Variants in COG6 observed in about 807,000 individuals in gnomAD.
COG6 encodes the protein conserved oligomeric Golgi complex subunit 6.
COG6 carries 74 observed loss-of-function variants against 88.8 expected under a neutral mutation model. The ratio of observed to expected loss-of-function variants is 0.83; its 90% confidence interval spans 0.69 to 1.01. The LOEUF is 1.01. Among genes scored for constraint, COG6 ranks in the 50% least tolerant of loss-of-function variants. COG6 has a pLI of 0.00. For missense variants in COG6, 800 were observed against 797.9 expected, an observed-to-expected ratio of 1.00 and a Z score of -0.03; for synonymous variants, 286 against 278.7, an observed-to-expected ratio of 1.03 and a Z score of -0.26.
chr13:39,768,825 A>C (rs1283382506), intron 18 of COG6, among the ~76,000 whole-genome samples: 5 of 152,168 alleles, frequency 3.3e-5, no homozygotes, highest in Non-Finnish European at 1.5e-5. Flanking sequence ...ATACTCTTGC[A>C]TCTGCCTGTG....
chr13:39,686,064 A>G (rs1045710738), intron 8 of COG6, among the ~76,000 whole-genome samples: 1 of 152,194 alleles, frequency 6.6e-6, no homozygotes, highest in Non-Finnish European at 1.5e-5. Context: ...GTTTACCAAA[A>G]TGTGGATTTT....
intron 2 of COG6, 50 bp downstream of exon 2, chr13:39,659,557 C>T (rs1874764226): frequency 6.8e-7 from 1 of 1,478,520 alleles, no homozygotes; most frequent in South Asian, 1.1e-5. Context: ...ACTATTACGC[C>T]TGGCTCTGTG....
intron 1 of COG6, among the ~76,000 whole-genome samples, chr13:39,658,584 A>G (rs11839208): frequency 0.019 from 2,891 of 152,298 alleles, 78 homozygotes; most frequent in African/African-American, 0.064. Context: ...CAAAGTTGGA[A>G]TAAACTTTTA....
chr13:39,683,595 C>T (rs1876447253), intron 8 of COG6, among the ~76,000 whole-genome samples: 1 of 152,110 alleles, frequency 6.6e-6, no homozygotes, highest in South Asian at 2.1e-4. Context: ...CAGTTTATTC[C>T]TGCTTTAAAA....
chr13:39,682,388 T>A (rs1048827309), intron 8 of COG6, 124 bp downstream of exon 8: 7 of 660,150 alleles, frequency 1.1e-5, no homozygotes, highest in Non-Finnish European at 1.9e-5. Flanking sequence ...TTTACAACAA[T>A]ACTGTTCACC....
chr13:39,667,250 CTAAG>C (rs772211839), intron 4 of COG6, among the ~76,000 whole-genome samples: 1 of 152,128 alleles, frequency 6.6e-6, no homozygotes, highest in African/African-American at 2.4e-5. Context: ...TTAAAAACAA[CTAAG>C]TATCAAAGCT....
At chr13:39,678,142 C>G (rs1876088203) in intron 5 of COG6, 2 of 423,062 alleles carry the variant, frequency 4.7e-6, no homozygotes, top group Non-Finnish European at 4.7e-6. Flanking sequence ...ACACAGCTCA[C>G]TGCAGCCTCA....
At chr13:39,692,216 C>T (rs962618383) in intron 11 of COG6, among the ~76,000 whole-genome samples, 2 of 151,860 alleles carry the variant, frequency 1.3e-5, no homozygotes, top group East Asian at 3.9e-4. Context: ...CAGCATCAAC[C>T]CTATTACTTT....
chr13:39,770,177 A>T (rs147567815), intron 18 of COG6, among the ~76,000 whole-genome samples: 43 of 152,180 alleles, frequency 2.8e-4, no homozygotes, highest in African/African-American at 1.0e-3. Flanking sequence ...AACACCCACG[A>T]CTACTGCTAT....
chr13:39,692,107 T>C (rs1877011190), intron 11 of COG6, among the ~76,000 whole-genome samples: 1 of 152,052 alleles, frequency 6.6e-6, no homozygotes, highest in African/African-American at 2.4e-5. Context: ...TTTGTAAATG[T>C]ATGCATTAAG....
chr13:39,761,066 A>G (rs372548611), intron 18 of COG6, among the ~76,000 whole-genome samples: 1 of 152,102 alleles, frequency 6.6e-6, no homozygotes, highest in Non-Finnish European at 1.5e-5. Flanking sequence ...TATTGGGAAT[A>G]TGGTTGGGAT....
intron 14 of COG6, 50 bp from the exon 15 acceptor site, chr13:39,719,610 C>A: frequency 1.3e-6 from 2 of 1,521,458 alleles, no homozygotes; most frequent in Non-Finnish European, 1.8e-6. Context: ...TAACCCAAGA[C>A]CCTATCAGTG....
In COG6 at chr13:39,758,962, C is replaced by G. The variant is rs147968808; in HGVS notation, c.1827-29373C>G. 3.7e-3 allele frequency among the ~76,000 whole-genome samples: 569 copies of G among 152,148 alleles called. 4 individuals are homozygous for G. The highest frequency in any genetic ancestry group is 0.013 in the African/African-American group (531 of 41,502). On this transcript the variant is annotated intron_variant, in intron 18 of 18. Coordinates refer to the COG6 transcript ENST00000416691. ...TTGAAAACATTATTCTAATTAGAAGCCAAGCACAAAAGGCTATATATAATT... is the reference window on the plus strand; with the variant it reads ...TTGAAAACATTATTCTAATTAGAAGGCAAGCACAAAAGGCTATATATAATT...
intron 5 of COG6, 64 bp downstream of exon 5, chr13:39,677,643 C>G (rs955775243): frequency 4.3e-6 from 4 of 930,474 alleles, no homozygotes; most frequent in Non-Finnish European, 6.6e-6. Context: ...AGAGAAATTG[C>G]TTTTTTGAAG....
At chr13:39,788,507 CT>C (rs1436755880) in exon 19 of COG6, 1 of 693,262 alleles carries the variant, frequency 1.4e-6, no homozygotes, top group African/African-American at 1.8e-5. Flanking sequence ...GACTCTTCAT[CT>C]GGTGGAAATG....
intron 3 of COG6, among the ~76,000 whole-genome samples, chr13:39,661,846 T>C (rs1340883157): frequency 6.6e-6 from 1 of 151,656 alleles, no homozygotes; most frequent in Admixed American, 6.6e-5. Context: ...TCTCCTCTTT[T>C]AGCTTCCATG....
At chr13:39,782,123 C>T (rs558163876) in intron 18 of COG6, among the ~76,000 whole-genome samples, 18 of 152,224 alleles carry the variant, frequency 1.2e-4, no homozygotes, top group Non-Finnish European at 2.6e-4. Context: ...GAAAACATTA[C>T]CCATTGTGCA....
At chr13:39,762,828 TA>T (rs1220081108) in intron 18 of COG6, among the ~76,000 whole-genome samples, 1 of 151,024 alleles carries the variant, frequency 6.6e-6, no homozygotes, top group Non-Finnish European at 1.5e-5. Flanking sequence ...TTATGCTGGC[TA>T]GAACCTCCAG....
downstream of COG6, among the ~76,000 whole-genome samples, chr13:39,754,414 G>T (rs1880765574): frequency 6.6e-6 from 1 of 152,114 alleles, no homozygotes; most frequent in South Asian, 2.1e-4. Flanking sequence ...ACATGTAAAG[G>T]TGTAAGGAAA....
Sources: allele counts gnomAD v4.1 joint callset (sites outside exome capture counted in the v4.1 genomes callset), GRCh38; gene constraint gnomAD v4.1.1; transcripts MANE v1.5; gene names NCBI Gene and HGNC (gene_info 2026-07-23, HGNC 2026-07-21).